PTPRK: variants seen among roughly 807,000 people sequenced by gnomAD.
PTPRK encodes protein tyrosine phosphatase receptor type K.
Under a neutral mutation model 178.0 loss-of-function variants are expected in PTPRK, and 75 were observed. The observed-to-expected ratio is 0.42, with a 90% CI of 0.35 to 0.51. The LOEUF is 0.51. Ranked by LOEUF, PTPRK falls within the 20% of genes least tolerant of loss-of-function variation. The pLI is 0.02. For missense variants in PTPRK, 1,441 were observed against 1,797.8 expected, an observed-to-expected ratio of 0.80 and a Z score of 3.59; for synonymous variants, 637 against 620.6, an observed-to-expected ratio of 1.03 and a Z score of -0.39.
At chr6:128,193,329 A>T (rs1045952553) in intron 6 of PTPRK, among the ~76,000 whole-genome samples, 41 of 149,136 alleles carry the variant, frequency 2.7e-4, no homozygotes, top group Admixed American at 3.3e-4. Flanking sequence ...TCTAGCATTA[A>T]TTTTTTTTGT....
At chr6:128,035,820 AG>A in intron 13 of PTPRK, among the ~76,000 whole-genome samples, 1 of 152,200 alleles carries the variant, frequency 6.6e-6, no homozygotes, top group Non-Finnish European at 1.5e-5. Flanking sequence ...TTAGTGGGAA[AG>A]GGCAGGGCTG....
chr6:127,972,644 A>C (rs1422614185), intron 29 of PTPRK, among the ~76,000 whole-genome samples: 1 of 152,222 alleles, frequency 6.6e-6, no homozygotes, highest in African/African-American at 2.4e-5. Flanking sequence ...TTGCCTTTTA[A>C]AAATACTGGG....
chr6:128,447,214 A>C (rs1014705864), intron 1 of PTPRK, among the ~76,000 whole-genome samples: 3 of 152,248 alleles, frequency 2.0e-5, no homozygotes, highest in African/African-American at 7.2e-5. Context: ...GCCCTGCCAG[A>C]ATGCCAAGAT....
chr6:128,243,630 G>A (rs1814919259), intron 3 of PTPRK, among the ~76,000 whole-genome samples: 1 of 151,792 alleles, frequency 6.6e-6, no homozygotes, highest in Non-Finnish European at 1.5e-5. Flanking sequence ...GGAGTTCAAG[G>A]CTGCAGTGAG....
At chr6:128,095,247 G>A (rs1280273719) in intron 7 of PTPRK, among the ~76,000 whole-genome samples, 1 of 152,114 alleles carries the variant, frequency 6.6e-6, no homozygotes, top group Non-Finnish European at 1.5e-5. Context: ...ACTATTCCCT[G>A]TTGTATTCAT....
intron 7 of PTPRK, among the ~76,000 whole-genome samples, chr6:128,128,956 T>C (rs907544402): frequency 2.0e-5 from 3 of 152,230 alleles, no homozygotes; most frequent in African/African-American, 7.2e-5. Flanking sequence ...GAATTCTTTC[T>C]ATCAAAGATG....
chr6:128,512,316 A>G (rs576839978), intron 1 of PTPRK, among the ~76,000 whole-genome samples: 18 of 152,354 alleles, frequency 1.2e-4, no homozygotes, highest in African/African-American at 4.3e-4. Flanking sequence ...TTACAGTATC[A>G]AAAATATAGA....
At chr6:128,355,291 A>G (rs1346513130) in intron 2 of PTPRK, among the ~76,000 whole-genome samples, 2 of 152,250 alleles carry the variant, frequency 1.3e-5, no homozygotes, top group East Asian at 3.8e-4. Context: ...ATTTTATCAA[A>G]TTACCAAAAA....
chr6:128,053,048 T>C (rs915876355), intron 13 of PTPRK, among the ~76,000 whole-genome samples: 4 of 152,002 alleles, frequency 2.6e-5, no homozygotes, highest in Non-Finnish European at 1.5e-5. Flanking sequence ...CCAGGTACTT[T>C]TATTGGATAA....
rs192262833 is a variant in PTPRK at position 128,054,432 on chromosome 6, T to G, written c.2194+10326A>C. Among the ~76,000 whole-genome samples, 29 of 152,370 alleles carry G rather than the reference T, an allele frequency of 1.9e-4. 1 individual carries two copies. In the East Asian group the frequency reaches 4.8e-3, roughly 25 times the overall value. Reference sequence around the variant, plus strand: ...TGTACTTTACTAGAAATTTCACATCTATTATTTCTGCTCTTTTGTTAGTTC... The same window carrying G: ...TGTACTTTACTAGAAATTTCACATCGATTATTTCTGCTCTTTTGTTAGTTC... On this transcript the variant is annotated intron_variant, in intron 13 of 29. Transcript: ENST00000368226.
rs767089578 is a variant in PTPRK, at chr6:127,985,774, C to T, written c.3198G>A (p.Arg1066=). The change falls in exon 22 of 30, where the codon CGG becomes CGA. Residue 1066 remains arginine, a synonymous_variant. Coordinates refer to ENST00000368226, the MANE Select transcript of PTPRK (RefSeq NM_002844.4). ...TGGGAGGGTTTGATAACTTGACTCG[C>T]CGGATAAAGGAAAGCAGCCCTGTAG... is the stretch of plus-strand genomic sequence containing the variant. The part of the protein sequence containing the change: ...YHATGLLSFI[R]RVKLSNPPSA... 3.7e-6 allele frequency: 6 copies of T among 1,613,844 alleles called. No individual in the cohort carries two copies. The highest frequency in any genetic ancestry group is 3.3e-5 in the Admixed American group (2 of 60,010).
chr6:128,340,924 T>C (rs1433571074), intron 2 of PTPRK: 3 of 246,272 alleles, frequency 1.2e-5, no homozygotes, highest in Admixed American at 1.2e-4. Flanking sequence ...TAATAGTACA[T>C]TCCAAAATAA....
intron 3 of PTPRK, among the ~76,000 whole-genome samples, chr6:128,293,191 T>C (rs1202155470): frequency 1.3e-5 from 2 of 152,126 alleles, no homozygotes; most frequent in Non-Finnish European, 2.9e-5. Flanking sequence ...TATGCTGCTA[T>C]AACAAAATAC....
rs944091960 is a variant in PTPRK at position 128,300,510 on chromosome 6, G to T, written c.495+21529C>A. Among the ~76,000 whole-genome samples the T allele has an allele frequency of 2.6e-5, 4 of 151,638 alleles. No homozygotes were observed. In the South Asian group the frequency reaches 8.3e-4, roughly 32 times the overall value. On this transcript the variant is annotated intron_variant, in intron 3 of 29. Coordinates refer to ENST00000368226, the MANE Select transcript of PTPRK (RefSeq NM_002844.4). ...ATGATAGACTGGATTAAGAAAATGT[G>T]GCACATATACTATGCAGCCATAAAA... is the stretch of plus-strand genomic sequence containing the variant.
At chr6:128,385,579 T>TAGTAAGTCTTATACCCTGATGG (rs1251552631) in intron 2 of PTPRK, among the ~76,000 whole-genome samples, 6 of 152,234 alleles carry the variant, frequency 3.9e-5, no homozygotes, top group Non-Finnish European at 7.3e-5. Flanking sequence ...ACTTATTAAA[T>TAGTAAGTCTTATACCCTGATGG]AGTAAGTCTT....
chr6:128,280,600 T>C (rs1821516683), intron 3 of PTPRK, among the ~76,000 whole-genome samples: 1 of 152,288 alleles, frequency 6.6e-6, no homozygotes, highest in South Asian at 2.1e-4. Flanking sequence ...TAAAATGTGT[T>C]TTTAAAGATA....
intron 7 of PTPRK, among the ~76,000 whole-genome samples, chr6:128,162,012 TATAAC>T (rs1798777470): frequency 6.6e-6 from 1 of 151,592 alleles, no homozygotes; most frequent in Non-Finnish European, 1.5e-5. Context: ...ATGAAACTCA[TATAAC>T]AGACCATTAA....
intron 23 of PTPRK, 112 bp downstream of exon 23, chr6:127,983,130 A>T (rs1775545902): frequency 1.6e-6 from 2 of 1,283,420 alleles, no homozygotes; most frequent in South Asian, 3.1e-5. Context: ...TATTGATTAC[A>T]CATGAAAAAC....
chr6:128,037,220 A>G (rs1256138977), intron 13 of PTPRK, among the ~76,000 whole-genome samples: 4 of 152,184 alleles, frequency 2.6e-5, no homozygotes, highest in Admixed American at 1.3e-4. Context: ...AAGAGACATT[A>G]TATACTAAGT....
Sources: gnomAD v4.1 joint callset for allele counts (sites outside exome capture counted in the v4.1 genomes callset) on GRCh38, gnomAD v4.1.1 for gene constraint, MANE v1.5 for transcripts, NCBI Gene and HGNC (gene_info 2026-07-23, HGNC 2026-07-21) for gene names.